MACROD2: variants seen among roughly 807,000 people sequenced by gnomAD.
MACROD2 encodes ADP-ribose glycohydrolase MACROD2.
A neutral mutation model predicts 70.4 loss-of-function variants in MACROD2; 36 were observed. That is an observed-to-expected ratio of 0.51 (90% CI 0.39 to 0.68). The LOEUF (loss-of-function observed/expected upper bound fraction) is 0.68, where lower values mean the gene tolerates loss of function less well. Ranked by LOEUF, MACROD2 falls within the 30% of genes least tolerant of loss-of-function variation. The probability of loss-of-function intolerance (pLI) is 0.00; values close to 1 mark genes in which losing one functional copy is unlikely to be tolerated. For synonymous variants in MACROD2, 172 were observed against 178.8 expected (o/e 0.96, Z 0.30); for missense variants, 496 against 538.4 (o/e 0.92, Z 0.78).
chr20:15,095,433 A>C lies in MACROD2; in HGVS notation c.419-134507A>C, dbSNP rs574477145. On this transcript the variant is annotated intron_variant, in intron 5 of 17. Coordinates refer to ENST00000684519, the MANE Select transcript of MACROD2 (RefSeq NM_001351661.2). ...CTTGAACCAACCTTTGCTGTTTAACACTTGCTTATCATGTTTTTAACAGGG... is the reference window on the plus strand; with the variant it reads ...CTTGAACCAACCTTTGCTGTTTAACCCTTGCTTATCATGTTTTTAACAGGG... 3.3e-5 allele frequency among the ~76,000 whole-genome samples: 5 copies of C among 151,824 alleles called. No homozygotes were observed. The East Asian group carries it at 9.8e-4, about 30-fold the overall frequency.
At chr20:15,018,365 T>A (rs544978182) in intron 5 of MACROD2, among the ~76,000 whole-genome samples, 1 of 152,174 alleles carries the variant, frequency 6.6e-6, no homozygotes, top group African/African-American at 2.4e-5. Flanking sequence ...AGCCTGAATT[T>A]TATTATCCAT....
At chr20:15,667,111 G>C (rs6043419) in intron 8 of MACROD2, among the ~76,000 whole-genome samples, 1 of 152,160 alleles carries the variant, frequency 6.6e-6, no homozygotes, top group South Asian at 2.1e-4. Context: ...AATCCCCAAA[G>C]CTGGAGGTGG....
chr20:14,860,554 C>T (rs1183428710), intron 5 of MACROD2, among the ~76,000 whole-genome samples: 3 of 152,092 alleles, frequency 2.0e-5, no homozygotes, highest in Non-Finnish European at 4.4e-5. Flanking sequence ...GGGACTCCTC[C>T]GGGTCTCTGT....
chr20:14,763,504 G>A (rs189389223), intron 5 of MACROD2, among the ~76,000 whole-genome samples: 2 of 152,230 alleles, frequency 1.3e-5, no homozygotes, highest in African/African-American at 2.4e-5. Context: ...TGAAGGGACC[G>A]TGATCTAGGT....
intron 4 of MACROD2, among the ~76,000 whole-genome samples, chr20:14,540,425 C>G (rs1323789309): frequency 1.3e-5 from 2 of 152,118 alleles, no homozygotes; most frequent in Admixed American, 1.3e-4. Flanking sequence ...CTGCCCTTCC[C>G]CTTCTATTTT....
chr20:14,112,773 A>G (rs113716561), intron 3 of MACROD2, among the ~76,000 whole-genome samples: 19 of 152,022 alleles, frequency 1.2e-4, no homozygotes, highest in African/African-American at 4.6e-4. Flanking sequence ...GACATTTATT[A>G]TTGAATTCCA....
chr20:15,821,992 G>C (rs1336578227), intron 8 of MACROD2, among the ~76,000 whole-genome samples: 2 of 152,110 alleles, frequency 1.3e-5, no homozygotes, highest in Non-Finnish European at 2.9e-5. Context: ...ACTCAATCTA[G>C]AGCCCTGGAA....
intron 8 of MACROD2, among the ~76,000 whole-genome samples, chr20:15,533,004 G>T (rs184432946): frequency 6.6e-6 from 1 of 152,220 alleles, no homozygotes; most frequent in Admixed American, 6.5e-5. Context: ...ATTAATCTGT[G>T]TTTGCTTGTT....
chr20:14,403,911 A>G (rs1275421215), intron 3 of MACROD2, among the ~76,000 whole-genome samples: 1 of 152,158 alleles, frequency 6.6e-6, no homozygotes, highest in Non-Finnish European at 1.5e-5. Flanking sequence ...TAACTATTGG[A>G]AAAATCAGAT....
intron 2 of MACROD2, among the ~76,000 whole-genome samples, chr20:14,084,968 CA>C (rs1437880460): frequency 3.0e-4 from 44 of 145,638 alleles, no homozygotes; most frequent in African/African-American, 8.9e-4. Context: ...ACTAAAAATA[CA>C]AAAATTAGAT....
chr20:15,377,980 T>G (rs2045585550), intron 6 of MACROD2, among the ~76,000 whole-genome samples: 2 of 151,744 alleles, frequency 1.3e-5, no homozygotes, highest in Admixed American at 1.3e-4. Flanking sequence ...CATCACACAC[T>G]GGGGCCTGTC....
At chr20:15,203,423 G>A (rs1158736974) in intron 5 of MACROD2, among the ~76,000 whole-genome samples, 1 of 152,072 alleles carries the variant, frequency 6.6e-6, no homozygotes, top group African/African-American at 2.4e-5. Context: ...TAGTCACAGA[G>A]TGCAGCAGTG....
chr20:14,317,123 T>C (rs2082618599), intron 3 of MACROD2, among the ~76,000 whole-genome samples: 1 of 152,178 alleles, frequency 6.6e-6, no homozygotes, highest in Non-Finnish European at 1.5e-5. Context: ...TTTGCAACTT[T>C]AACACAGCCT....
chr20:14,431,908 C>G (rs1480551740), intron 3 of MACROD2, among the ~76,000 whole-genome samples: 1 of 152,122 alleles, frequency 6.6e-6, no homozygotes, highest in Non-Finnish European at 1.5e-5. Flanking sequence ...TGATCCTGAT[C>G]CCCAGGATGT....
chr20:15,084,059 G>GTTTTTTTTTTTGTTT (rs2075725742), intron 5 of MACROD2, among the ~76,000 whole-genome samples: 1 of 110,592 alleles, frequency 9.0e-6, no homozygotes, highest in African/African-American at 4.5e-5. Context: ...GCAACACTAG[G>GTTTTTTTTTTTGTTT]TTTTTTTTTT....
chr20:14,315,726 T>C (rs1268038479), intron 3 of MACROD2, among the ~76,000 whole-genome samples: 1 of 152,206 alleles, frequency 6.6e-6, no homozygotes, highest in Non-Finnish European at 1.5e-5. Flanking sequence ...TGTAAAGTAC[T>C]TACAGTTCAA....
At chr20:15,129,440 C>A (rs1167476227) in intron 5 of MACROD2, among the ~76,000 whole-genome samples, 1 of 152,090 alleles carries the variant, frequency 6.6e-6, no homozygotes, top group East Asian at 1.9e-4. Flanking sequence ...ATTCCTTGCA[C>A]AGATTTACAT....
In MACROD2 at chr20:14,233,707, AAAAAAAGAAAAG is replaced by A. The variant is rs1280223446; in HGVS notation, c.271+147984_271+147995del. Among the ~76,000 whole-genome samples, 5 of 143,524 alleles carry A rather than the reference AAAAAAAGAAAAG, an allele frequency of 3.5e-5. 1 individual carries two copies. Among genetic ancestry groups the A allele is most frequent in the Admixed American group, 1.4e-4 (2 of 14,232 alleles). 94.2% of individuals were successfully genotyped at this position (143,524 alleles called of 152,430 possible). On this transcript the variant is annotated intron_variant, in intron 3 of 17. Transcript: ENST00000684519. ...GCGAGACTCCGTCTCACAAAAAAAA[AAAAAAAGAAAAG>A]AAAAGAAAAGAAATGAACTAACAAG...
At chr20:15,823,949 A>C (rs2063969021) in intron 8 of MACROD2, among the ~76,000 whole-genome samples, 1 of 152,230 alleles carries the variant, frequency 6.6e-6, no homozygotes, top group Non-Finnish European at 1.5e-5. Context: ...TGGGCAGCCC[A>C]ATCCAATTCA....
Sources: gnomAD v4.1 joint callset for allele counts (sites outside exome capture counted in the v4.1 genomes callset) on GRCh38, gnomAD v4.1.1 for gene constraint, MANE v1.5 for transcripts, NCBI Gene and HGNC (gene_info 2026-07-23, HGNC 2026-07-21) for gene names.